SH3PXD2A: variants seen among roughly 807,000 people sequenced by gnomAD.
SH3PXD2A encodes the protein SH3 and PX domains 2A, also known as SH3 and PX domain-containing protein 2A.
A neutral mutation model predicts 115.2 loss-of-function variants in SH3PXD2A; 32 were observed. The ratio of observed to expected loss-of-function variants is 0.28; its 90% confidence interval spans 0.21 to 0.37. The LOEUF is 0.37. Ranked by LOEUF, SH3PXD2A falls within the 10% of genes least tolerant of loss-of-function variation. SH3PXD2A has a pLI of 1.00. For synonymous variants in SH3PXD2A, 610 were observed against 629.1 expected, an observed-to-expected ratio of 0.97 and a Z score of 0.45; for missense variants, 1,328 against 1,498.7, an observed-to-expected ratio of 0.89 and a Z score of 1.88.
chr10:103,677,361 C>T (rs537575982), intron 6 of SH3PXD2A, among the ~76,000 whole-genome samples: 3 of 152,222 alleles, frequency 2.0e-5, no homozygotes, highest in East Asian at 1.9e-4. Flanking sequence ...GGCTGGGTCC[C>T]GGAAGGTCTG....
At chr10:103,645,550 G>A (rs1209240767) in intron 8 of SH3PXD2A, among the ~76,000 whole-genome samples, 3 of 152,054 alleles carry the variant, frequency 2.0e-5, no homozygotes, top group African/African-American at 4.8e-5. Context: ...TACCTGACCC[G>A]GCCATTTCCA....
At chr10:103,810,945 C>T (rs2039262821) in intron 1 of SH3PXD2A, among the ~76,000 whole-genome samples, 1 of 4,204 alleles carries the variant, frequency 2.4e-4, no homozygotes, top group African/African-American at 7.9e-4. Flanking sequence ...GACACAGGCG[C>T]GCGCGCGCAC....
At chr10:103,814,008 A>G (rs1247740136) in intron 1 of SH3PXD2A, among the ~76,000 whole-genome samples, 1 of 135,114 alleles carries the variant, frequency 7.4e-6, no homozygotes, top group Admixed American at 7.7e-5. Context: ...CTAAAAAAAA[A>G]AAAAAAACAA....
chr10:103,783,948 G>C (rs2038956754), intron 2 of SH3PXD2A, among the ~76,000 whole-genome samples: 1 of 152,178 alleles, frequency 6.6e-6, no homozygotes, highest in African/African-American at 2.4e-5. Context: ...GGCTCTCCTT[G>C]GGGGAAAAAC....
intron 9 of SH3PXD2A, among the ~76,000 whole-genome samples, chr10:103,623,030 T>C (rs557157609): frequency 6.6e-6 from 1 of 152,300 alleles, no homozygotes; most frequent in East Asian, 1.9e-4. Flanking sequence ...ACAGGCACCA[T>C]GCTTGGAAGA....
At chr10:103,625,727 AC>A (rs1282529032) in intron 9 of SH3PXD2A, among the ~76,000 whole-genome samples, 1 of 152,194 alleles carries the variant, frequency 6.6e-6, no homozygotes, top group Non-Finnish European at 1.5e-5. Context: ...CCCCGTCTCT[AC>A]TAAAAACAAA....
chr10:103,763,974 C>G (rs1490729294), intron 3 of SH3PXD2A, among the ~76,000 whole-genome samples: 1 of 152,238 alleles, frequency 6.6e-6, no homozygotes, highest in African/African-American at 2.4e-5. Context: ...CATCCTGTTT[C>G]CTTCCCTGCC....
chr10:103,701,446 TTCATCCATCCA>T (rs200339366), intron 5 of SH3PXD2A, among the ~76,000 whole-genome samples: 323 of 136,320 alleles, frequency 2.4e-3, no homozygotes, highest in East Asian at 5.9e-3. Flanking sequence ...CATCTATCCA[TTCATCCATCCA>T]TCATCCATCC....
intron 2 of SH3PXD2A, among the ~76,000 whole-genome samples, chr10:103,782,827 C>CA (rs1177829829): frequency 0.17 from 7,689 of 44,204 alleles, 816 homozygotes; most frequent in East Asian, 0.36. Flanking sequence ...TCCATCTCTC[C>CA]AAAAAAAAAA....
chr10:103,628,148 G>C (rs578097547), intron 8 of SH3PXD2A, among the ~76,000 whole-genome samples: 24 of 152,356 alleles, frequency 1.6e-4, no homozygotes, highest in African/African-American at 5.8e-4. Context: ...CTGGGAGGTA[G>C]AGAAGGCTCT....
At chr10:103,818,031 C>G (rs1333826132) in intron 1 of SH3PXD2A, among the ~76,000 whole-genome samples, 2 of 152,172 alleles carry the variant, frequency 1.3e-5, no homozygotes, top group Admixed American at 1.3e-4. Flanking sequence ...GAACTAAAAA[C>G]CATTTAATTG....
chr10:103,723,311 TCCTCTCCCCAAC>T (rs2134171196), intron 5 of SH3PXD2A, among the ~76,000 whole-genome samples: 1 of 152,240 alleles, frequency 6.6e-6, no homozygotes, highest in Non-Finnish European at 1.5e-5. Context: ...TCCCCTTAAG[TCCTCTCCCCAAC>T]CCTCTCTCTT....
chr10:103,795,661 C>A (rs1415189092), intron 2 of SH3PXD2A, among the ~76,000 whole-genome samples: 2 of 152,152 alleles, frequency 1.3e-5, no homozygotes, highest in African/African-American at 4.8e-5. Context: ...GTCTATGGCA[C>A]CTTCCTTTGT....
chr10:103,649,318 A>G (rs556187431), intron 8 of SH3PXD2A, among the ~76,000 whole-genome samples: 1 of 152,162 alleles, frequency 6.6e-6, no homozygotes. Context: ...GTGCTCAGAG[A>G]GGTGAAGTGG....
Position 103,620,143 on chromosome 10 carries a change from G to C in SH3PXD2A, c.802+2327C>G, listed in dbSNP as rs2036581947. ...TCAGCGGGCAGCTGCATGATTCAGG[G>C]TGGTCAGGGTCTTGGGAAGAGATGT... On this transcript the variant is annotated intron_variant, in intron 10 of 14. Coordinates refer to ENST00000369774, the MANE Select transcript of SH3PXD2A (RefSeq NM_001394015.1). This position sits in a 1 kb window ranked among gnomAD's most constrained non-coding sequence, Gnocchi z 5.3. Among the ~76,000 whole-genome samples, 1 of 152,224 alleles carries C rather than the reference G, an allele frequency of 6.6e-6. No homozygotes were observed. Among genetic ancestry groups the C allele is most frequent in the African/African-American group, 2.4e-5 (1 of 41,450 alleles).
In SH3PXD2A at chr10:103,735,933, G is replaced by A; in HGVS notation, c.230-125C>T. On this transcript the variant is annotated intron_variant, in intron 3 of 14. Transcript: ENST00000369774. ...ACTACCTGCCACCACCCCGTCCACG[G>A]TCAAGGAAACAAGAGAGAAACAGTC... 7 of 795,324 alleles carry A rather than the reference G, an allele frequency of 8.8e-6. No homozygotes were observed. In the Admixed American group the frequency reaches 1.2e-4, roughly 14 times the overall value. 49.3% of individuals were successfully genotyped at this position (795,324 alleles called of 1,614,324 possible). A position where few individuals can be genotyped will look rare whatever the true frequency, so the allele number is the denominator to read the frequency against.
At chr10:103,696,177 C>T (rs1354602290) in intron 5 of SH3PXD2A, among the ~76,000 whole-genome samples, 2 of 152,182 alleles carry the variant, frequency 1.3e-5, no homozygotes, top group African/African-American at 2.4e-5. Context: ...ATGGTGGGAA[C>T]GAAGAGGAAT....
chr10:103,851,178 T>C (rs1397064756), intron 1 of SH3PXD2A, among the ~76,000 whole-genome samples: 1 of 146,350 alleles, frequency 6.8e-6, no homozygotes, highest in African/African-American at 2.5e-5. Context: ...GGCACAGAAA[T>C]GAATGAGTTT....
chr10:103,736,523 T>G (rs373517650), intron 3 of SH3PXD2A, among the ~76,000 whole-genome samples: 5 of 152,266 alleles, frequency 3.3e-5, no homozygotes, highest in Admixed American at 2.0e-4. Context: ...CTGAGAAATT[T>G]AGAATCTGAA....
Sources: allele counts gnomAD v4.1 joint callset (sites outside exome capture counted in the v4.1 genomes callset), GRCh38; gene constraint gnomAD v4.1.1; non-coding constraint Gnocchi (gnomAD v3.1); transcripts MANE v1.5; gene names NCBI Gene and HGNC (gene_info 2026-07-23, HGNC 2026-07-21).